Variants in FNDC3A observed in about 807,000 individuals in gnomAD.
FNDC3A encodes the protein fibronectin type-III domain-containing protein 3A.
A neutral mutation model predicts 148.9 loss-of-function variants in FNDC3A; 32 were observed. The ratio of observed to expected loss-of-function variants is 0.21; its 90% CI spans 0.16 to 0.29. The LOEUF (loss-of-function observed/expected upper bound fraction) is 0.29, where lower values mean the gene tolerates loss of function less well. Among genes scored for constraint, FNDC3A ranks in the 10% least tolerant of loss-of-function variants. FNDC3A has a pLI of 1.00. For missense variants in FNDC3A, 1,191 were observed against 1,452.8 expected, an observed-to-expected ratio of 0.82 and a Z score of 2.93; for synonymous variants, 472 against 473.6, an observed-to-expected ratio of 1.00 and a Z score of 0.04.
intron 2 of FNDC3A, among the ~76,000 whole-genome samples, chr13:49,052,861 C>T (rs936997817): frequency 2.6e-5 from 4 of 152,144 alleles, no homozygotes; most frequent in South Asian, 2.1e-4. Flanking sequence ...TAGGTATGTC[C>T]GAGCTTAGCC....
intron 3 of FNDC3A, among the ~76,000 whole-genome samples, chr13:49,089,344 A>G (rs954175072): frequency 7.2e-5 from 11 of 152,258 alleles, no homozygotes; most frequent in African/African-American, 2.4e-4. Context: ...CTTCTCTTGT[A>G]CATAACCTAC....
At chr13:49,108,067 A>G (rs1035916363) in intron 3 of FNDC3A, among the ~76,000 whole-genome samples, 7 of 152,296 alleles carry the variant, frequency 4.6e-5, no homozygotes, top group Admixed American at 3.9e-4. Flanking sequence ...GAAAGATATG[A>G]TGGCCACATG....
intron 2 of FNDC3A, among the ~76,000 whole-genome samples, chr13:49,074,802 C>T (rs1028387078): frequency 5.9e-5 from 9 of 152,006 alleles, no homozygotes; most frequent in African/African-American, 1.7e-4. Flanking sequence ...TTTCAAATGT[C>T]GTAAAATTGG....
At position 49,167,298 on chromosome 13, in the gene FNDC3A, T is replaced by C. The variant is rs1884521340; in HGVS notation, c.1032T>C (p.His344=). 3 of 1,598,676 alleles carry C rather than the reference T, an allele frequency of 1.9e-6. No homozygotes were observed. The highest frequency in any genetic ancestry group is 2.3e-5 in the South Asian group (2 of 88,492). Residue 344 remains histidine, a synonymous_variant, in exon 9 of 26, where the codon CAT becomes CAC. Coordinates refer to ENST00000492622, the MANE Select transcript of FNDC3A (RefSeq NM_001079673.2). ...LNDLKPAMDY[H]AKVQAEYNSI... Reference sequence around the variant, plus strand: ...ATCTCAAGCCAGCCATGGATTACCATGCAAAGTAAGGAATTCCTACAGATT... The same window carrying C: ...ATCTCAAGCCAGCCATGGATTACCACGCAAAGTAAGGAATTCCTACAGATT...
At chr13:48,990,650 C>G (rs902295394) in intron 1 of FNDC3A, among the ~76,000 whole-genome samples, 14 of 150,714 alleles carry the variant, frequency 9.3e-5, no homozygotes, top group African/African-American at 3.4e-4. Context: ...TAGTCACAGC[C>G]GCTCGGAAGG....
chr13:49,130,838 G>A (rs991387313), intron 4 of FNDC3A, among the ~76,000 whole-genome samples: 2 of 151,892 alleles, frequency 1.3e-5, no homozygotes, highest in Admixed American at 1.3e-4. Flanking sequence ...GTGCTATCTC[G>A]GCTCACTGCA....
chr13:49,027,798 GATATA>G (rs770865980), intron 2 of FNDC3A, among the ~76,000 whole-genome samples: 10 of 152,018 alleles, frequency 6.6e-5, no homozygotes, highest in African/African-American at 2.4e-4. Context: ...GAACAAAAAA[GATATA>G]ATATCATGCA....
At chr13:49,057,113 G>T (rs988210567) in intron 2 of FNDC3A, among the ~76,000 whole-genome samples, 1 of 152,076 alleles carries the variant, frequency 6.6e-6, no homozygotes, top group Non-Finnish European at 1.5e-5. Context: ...CTAACTTGGG[G>T]GTTATTTTTT....
chr13:49,002,000 A>G (rs1460984930), intron 1 of FNDC3A, among the ~76,000 whole-genome samples: 1 of 152,172 alleles, frequency 6.6e-6, no homozygotes, highest in Non-Finnish European at 1.5e-5. Flanking sequence ...GGGGCATCAC[A>G]GAACCTGCGG....
intron 1 of FNDC3A, among the ~76,000 whole-genome samples, chr13:48,982,152 G>A (rs1951704723): frequency 6.6e-6 from 1 of 152,070 alleles, no homozygotes. Context: ...TAACTTGAAG[G>A]ATTAGTCATT....
intron 1 of FNDC3A, among the ~76,000 whole-genome samples, chr13:49,001,133 A>C (rs978658382): frequency 4.6e-5 from 7 of 152,316 alleles, no homozygotes; most frequent in Admixed American, 4.6e-4. Flanking sequence ...GAAGAACATA[A>C]ATTGTGAAGA....
intron 1 of FNDC3A, among the ~76,000 whole-genome samples, chr13:48,983,694 C>T (rs991904241): frequency 6.6e-6 from 1 of 152,286 alleles, no homozygotes; most frequent in East Asian, 1.9e-4. Flanking sequence ...TAAACACTTT[C>T]TGTATTCTGG....
intron 4 of FNDC3A, among the ~76,000 whole-genome samples, chr13:49,117,892 G>A (rs1881070433): frequency 6.6e-6 from 1 of 152,086 alleles, no homozygotes; most frequent in Non-Finnish European, 1.5e-5. Context: ...CAGGATTTTA[G>A]GTTCCTTAAG....
rs577285614 is a variant in FNDC3A, at chr13:49,030,223, A to G, written c.99+23934A>G. Among the ~76,000 whole-genome samples, 81 of 152,330 alleles carry G rather than the reference A, an allele frequency of 5.3e-4. No homozygotes were observed. In the South Asian group the frequency reaches 0.016, roughly 31 times the overall value. On this transcript the variant is annotated intron_variant, in intron 2 of 25. Coordinates refer to ENST00000492622, the MANE Select transcript of FNDC3A (RefSeq NM_001079673.2). ...CAACTAAGTGGGGTTTGTAGTAGGA[A>G]TGTTGAAGTTGGTTCAACATACATA... is the stretch of plus-strand genomic sequence containing the variant.
intron 2 of FNDC3A, among the ~76,000 whole-genome samples, chr13:49,047,567 A>C (rs977590982): frequency 6.6e-6 from 1 of 152,114 alleles, no homozygotes; most frequent in African/African-American, 2.4e-5. Context: ...GCATTTTTCC[A>C]TAGGCTTTTT....
intron 2 of FNDC3A, among the ~76,000 whole-genome samples, chr13:49,017,013 T>A (rs1328614465): frequency 6.6e-6 from 1 of 152,030 alleles, no homozygotes; most frequent in Non-Finnish European, 1.5e-5. Context: ...AGGAGAGCTT[T>A]ACTTCCAAGT....
intron 1 of FNDC3A, among the ~76,000 whole-genome samples, chr13:49,005,578 A>G (rs1237946551): frequency 1.3e-5 from 2 of 151,994 alleles, no homozygotes; most frequent in African/African-American, 2.4e-5. Flanking sequence ...AGTAAGTAAT[A>G]TAAGAGCTTG....
chr13:49,187,124 C>G lies in FNDC3A; in HGVS notation c.1759C>G (p.Pro587Ala). The change falls in exon 16 of 26, where the codon CCA becomes GCA. Residue 587 changes from proline (P) to alanine (A), a missense_variant and splice_region_variant. Physicochemically the swap from Pro to Ala is conservative, Grantham distance 27 (BLOSUM62 -1). This residue lies in a region of FNDC3A where 751 missense variants were observed against 944.0 expected (regional missense o/e 0.80). Coordinates refer to ENST00000492622, the MANE Select transcript of FNDC3A (RefSeq NM_001079673.2). Reference protein sequence around the residue: ...HSHSFKITWDPPKDNGGATIN... With the variant: ...HSHSFKITWDAPKDNGGATIN... ...TACTACTTTGCTTCTTTGGATAGAT[C>G]CACCAAAAGACAATGGCGGAGCAAC... is the stretch of plus-strand genomic sequence containing the variant. 2 of 1,610,214 alleles carry G rather than the reference C, an allele frequency of 1.2e-6. No homozygotes were observed. The highest frequency in any genetic ancestry group is 1.1e-5 in the South Asian group (1 of 90,854).
At chr13:49,197,071 T>C (rs2138124484) in intron 20 of FNDC3A, 81 bp downstream of exon 20, 4 of 806,270 alleles carry the variant, frequency 5.0e-6, no homozygotes, top group South Asian at 3.6e-5. Flanking sequence ...ATACTGTTCA[T>C]TTTTACCGCC....
Sources: gnomAD v4.1 joint callset for allele counts (sites outside exome capture counted in the v4.1 genomes callset) on GRCh38, gnomAD v4.1.1 for gene constraint, gnomAD v4.1.1 regional missense constraint, MANE v1.5 for transcripts, NCBI Gene and HGNC (gene_info 2026-07-23, HGNC 2026-07-21) for gene names.